UEVLD: variants seen among roughly 807,000 people sequenced by gnomAD.
The protein encoded by UEVLD is ubiquitin-conjugating enzyme E2 variant 3.
UEVLD carries 47 observed loss-of-function variants against 58.6 expected under a neutral mutation model. The observed-to-expected ratio is 0.80, with a 90% confidence interval of 0.63 to 1.02. The LOEUF (loss-of-function observed/expected upper bound fraction) is 1.02, where lower values mean the gene tolerates loss of function less well. UEVLD is among the 50% of genes least tolerant of loss of function. The pLI, the probability that UEVLD is intolerant of heterozygous loss-of-function variation, is 0.00. For synonymous variants in UEVLD, 197 were observed against 195.3 expected (o/e 1.01, Z -0.07); for missense variants, 510 against 550.6 (o/e 0.93, Z 0.74).
chr11:18,564,549 A>G, intron 6 of UEVLD, among the ~76,000 whole-genome samples: 1 of 152,220 alleles, frequency 6.6e-6, no homozygotes, highest in East Asian at 1.9e-4. Flanking sequence ...AAAAAAAGCC[A>G]ATTTTAGAAA....
At chr11:18,542,362 GGAGACATTCATTACTTGAATACA>G (rs1851091409) in intron 9 of UEVLD, among the ~76,000 whole-genome samples, 1 of 151,958 alleles carries the variant, frequency 6.6e-6, no homozygotes, top group South Asian at 2.1e-4. Context: ...ATGAATGAAT[GGAGACATTCATTACTTGAATACA>G]TTTGCTCCAA....
intron 7 of UEVLD, among the ~76,000 whole-genome samples, chr11:18,553,024 A>G (rs1004465460): frequency 2.0e-5 from 3 of 151,776 alleles, no homozygotes; most frequent in South Asian, 2.1e-4. Flanking sequence ...GCATGGTGGC[A>G]TGCGCCTATA....
In UEVLD at chr11:18,575,406, T is replaced by C; in HGVS notation, c.134A>G (p.Lys45Arg). 1 of 1,596,710 alleles carries C rather than the reference T, an allele frequency of 6.3e-7. No individual in the cohort carries two copies. The highest frequency in any genetic ancestry group is 8.5e-7 in the Non-Finnish European group (1 of 1,175,594). ...FKYSMDTYVFKDSSQKDLLNF... is the reference protein window; with the variant it reads ...FKYSMDTYVFRDSSQKDLLNF... ...CAGCAGGTCTTTCTGAGAACTATCT[T>C]TAAAAACTAGAAGAAAAAAAAAAAA... The change falls in exon 3 of 12, where the codon AAA becomes AGA. Residue 45 changes from lysine (K) to arginine (R), a missense_variant. Coordinates refer to ENST00000396197, the MANE Select transcript of UEVLD (RefSeq NM_001040697.4).
chr11:18,548,497 G>A (rs1372709141), intron 7 of UEVLD, among the ~76,000 whole-genome samples: 1 of 151,978 alleles, frequency 6.6e-6, no homozygotes, highest in Non-Finnish European at 1.5e-5. Context: ...GTGCAATCTC[G>A]GCTCACCACA....
At chr11:18,547,171 A>C in intron 7 of UEVLD, 121 bp from the exon 8 acceptor site, 1 of 938,668 alleles carries the variant, frequency 1.1e-6, no homozygotes, top group Non-Finnish European at 1.5e-6. Flanking sequence ...CTCCCCATAA[A>C]TCAACCCCAG....
At chr11:18,570,433 A>C in intron 3 of UEVLD, 56 bp from the exon 4 acceptor site, 1 of 1,441,858 alleles carries the variant, frequency 6.9e-7, no homozygotes, top group Non-Finnish European at 9.2e-7. Context: ...ACACATTATG[A>C]TATAGCTAGG....
chr11:18,579,077 C>T (rs1005770144), intron 1 of UEVLD, among the ~76,000 whole-genome samples: 1 of 152,052 alleles, frequency 6.6e-6, no homozygotes, highest in African/African-American at 2.4e-5. Flanking sequence ...CCATGTTGGT[C>T]AGGCTGGTCT....
chr11:18,565,813 A>G (rs1852264351), intron 5 of UEVLD, among the ~76,000 whole-genome samples: 1 of 152,030 alleles, frequency 6.6e-6, no homozygotes, highest in Non-Finnish European at 1.5e-5. Flanking sequence ...GCGAGACTCC[A>G]TCTCAAAAAA....
intron 3 of UEVLD, among the ~76,000 whole-genome samples, chr11:18,574,969 A>G (rs949226841): frequency 2.0e-5 from 3 of 152,156 alleles, no homozygotes; most frequent in African/African-American, 7.2e-5. Context: ...CTTTCAGAGT[A>G]GTGGTAGTAG....
chr11:18,587,793 A>C (rs1185629611), intron 1 of UEVLD: 1 of 146,200 alleles, frequency 6.8e-6, no homozygotes, highest in Non-Finnish European at 1.5e-5. Flanking sequence ...ACAGAGCAAG[A>C]CTCTGTCAAA....
chr11:18,558,367 G>A, intron 6 of UEVLD, 37 bp from the exon 7 acceptor site: 1 of 1,371,356 alleles, frequency 7.3e-7, no homozygotes, highest in Non-Finnish European at 1.0e-6. Flanking sequence ...ACTGAACATG[G>A]CCAGTGACTC....
chr11:18,584,155 G>A (rs1299782786), intron 1 of UEVLD, among the ~76,000 whole-genome samples: 2 of 152,160 alleles, frequency 1.3e-5, no homozygotes, highest in East Asian at 3.8e-4. Flanking sequence ...AAGGACAAAG[G>A]ATCACTTGAG....
intron 7 of UEVLD, among the ~76,000 whole-genome samples, chr11:18,554,320 G>A (rs888159157): frequency 1.3e-5 from 2 of 150,934 alleles, no homozygotes; most frequent in African/African-American, 2.4e-5. Context: ...TCAAACTCCC[G>A]ACCTCAGGTG....
intron 9 of UEVLD, among the ~76,000 whole-genome samples, chr11:18,541,727 C>A (rs1482110274): frequency 6.6e-6 from 1 of 152,124 alleles, no homozygotes; most frequent in African/African-American, 2.4e-5. Context: ...AAACCTTTAT[C>A]ATATAAGGGA....
intron 11 of UEVLD, 50 bp from the exon 12 acceptor site, chr11:18,532,537 G>A (rs1392952512): frequency 1.4e-6 from 2 of 1,413,814 alleles, no homozygotes; most frequent in African/African-American, 1.5e-5. Flanking sequence ...TTGCAAAGAA[G>A]TTAATACAAA....
At chr11:18,538,812 A>C (rs912189978) in intron 9 of UEVLD, 1 of 150,872 alleles carries the variant, frequency 6.6e-6, no homozygotes, top group Non-Finnish European at 1.5e-5. Context: ...CGGGTGGATC[A>C]TAAGGTCAGG....
chr11:18,567,951 C>T (rs73422545), intron 4 of UEVLD, among the ~76,000 whole-genome samples: 8,184 of 152,046 alleles, frequency 0.054, 481 homozygotes, highest in African/African-American at 0.15. Flanking sequence ...TCAATACCAG[C>T]CTGGACAACA....
At chr11:18,544,437 A>G (rs1464884692) in intron 9 of UEVLD, among the ~76,000 whole-genome samples, 186 bp downstream of exon 9, 2 of 152,126 alleles carry the variant, frequency 1.3e-5, no homozygotes, top group Admixed American at 6.6e-5. Flanking sequence ...TCTCCTGAGT[A>G]ACTGGGACTA....
Position 18,536,434 on chromosome 11 carries a change from G to C in UEVLD, c.1096C>G (p.His366Asp). 1 of 1,613,842 alleles carries C rather than the reference G, an allele frequency of 6.2e-7. No homozygotes were observed. Among genetic ancestry groups the C allele is most frequent in the South Asian group, 1.1e-5 (1 of 91,030 alleles). Residue 366 changes from histidine (H) to aspartate (D), a missense_variant, in exon 10 of 12, where the codon CAT becomes GAT. By Grantham distance (81) the His-to-Asp change is moderately conservative. Transcript: ENST00000396197. ...TWSGQEEVVS[H>D]TSQVQLSNRA... ...TTGGACAGCTGCACTTGAGAGGTAT[G>C]ACTCACTACTTCTTCTTGGCCACTC...
Sources: gnomAD v4.1 joint callset for allele counts (sites outside exome capture counted in the v4.1 genomes callset) on GRCh38, gnomAD v4.1.1 for gene constraint, MANE v1.5 for transcripts, NCBI Gene and HGNC (gene_info 2026-07-23, HGNC 2026-07-21) for gene names.